The following CDKAL1 variants were observed in gnomAD, a reference collection of about 807,000 sequenced individuals.
CDKAL1 encodes CDKAL1 threonylcarbamoyladenosine tRNA methylthiotransferase, also known as threonylcarbamoyladenosine tRNA methylthiotransferase.
Under a neutral mutation model 68.2 loss-of-function variants are expected in CDKAL1, and 32 were observed. The observed-to-expected ratio is 0.47, with a 90% confidence interval of 0.35 to 0.63. The LOEUF (loss-of-function observed/expected upper bound fraction) is 0.63. CDKAL1 is among the 30% of genes least tolerant of loss of function. The pLI is 0.00. For missense variants in CDKAL1, 606 were observed against 696.7 expected, an observed-to-expected ratio of 0.87 and a Z score of 1.47; for synonymous variants, 234 against 244.3, an observed-to-expected ratio of 0.96 and a Z score of 0.39.
intron 13 of CDKAL1, among the ~76,000 whole-genome samples, chr6:21,134,243 T>G (rs1775469659): frequency 6.6e-6 from 1 of 152,124 alleles, no homozygotes; most frequent in Non-Finnish European, 1.5e-5. Context: ...TCAAATTCGG[T>G]TTTAGAAATT....
At chr6:20,579,493 G>A (rs1765053849) in intron 4 of CDKAL1, among the ~76,000 whole-genome samples, 1 of 152,164 alleles carries the variant, frequency 6.6e-6, no homozygotes, top group Non-Finnish European at 1.5e-5. Flanking sequence ...TGTAATACCT[G>A]TTATGGTGCC....
chr6:20,949,780 G>A (rs948498238), intron 9 of CDKAL1, among the ~76,000 whole-genome samples: 8 of 152,014 alleles, frequency 5.3e-5, no homozygotes, highest in East Asian at 1.9e-4. Context: ...CTCAGTGGTC[G>A]CGAAAGTTTT....
intron 12 of CDKAL1, among the ~76,000 whole-genome samples, chr6:21,107,728 G>A (rs1267475313): frequency 1.3e-5 from 2 of 152,070 alleles, no homozygotes; most frequent in African/African-American, 2.4e-5. Context: ...CACCATGCTC[G>A]GCCAAAAGAG....
intron 8 of CDKAL1, among the ~76,000 whole-genome samples, chr6:20,824,397 G>T (rs949669367): frequency 6.6e-6 from 1 of 152,096 alleles, no homozygotes; most frequent in African/African-American, 2.4e-5. Flanking sequence ...TCCTCTGCCA[G>T]GCTGCAGTCT....
chr6:20,570,191 CCT>C (rs1764641069), intron 4 of CDKAL1, among the ~76,000 whole-genome samples: 1 of 152,032 alleles, frequency 6.6e-6, no homozygotes. Context: ...GCAACCTCTG[CCT>C]CTTGGGTTCA....
intron 10 of CDKAL1, among the ~76,000 whole-genome samples, chr6:20,991,706 C>CAAAAAAA (rs35504365): frequency 3.4e-5 from 2 of 59,622 alleles, no homozygotes; most frequent in African/African-American, 6.6e-5. Context: ...TATTCCCTCT[C>CAAAAAAA]AAAAAAAAAA....
chr6:20,596,626 GACT>G (rs1294742027), intron 4 of CDKAL1, among the ~76,000 whole-genome samples: 5 of 152,204 alleles, frequency 3.3e-5, no homozygotes, highest in African/African-American at 1.2e-4. Flanking sequence ...TGCTGAGCTA[GACT>G]ACTTGGCTCC....
Position 20,943,705 on chromosome 6 carries a change from C to T in CDKAL1, c.743-11714C>T, listed in dbSNP as rs2150702557. 1.3e-5 allele frequency among the ~76,000 whole-genome samples: 2 copies of T among 151,674 alleles called. 1 individual carries two copies. Among genetic ancestry groups the T allele is most frequent in the Middle Eastern group, 6.8e-3 (2 of 294 alleles). ...TTTTTAAACGCATAGACCACATGTA[C>T]AATAGCTGGTTTTATGTCCTCGCCT... On this transcript the variant is annotated intron_variant, in intron 9 of 15. Coordinates refer to ENST00000274695, the MANE Select transcript of CDKAL1 (RefSeq NM_017774.3).
rs1423488484 is a variant in CDKAL1, at chr6:21,142,293, A to G, written c.1299+33830A>G. ...CTAGTGTTCTAGGTAAGGCAATAGT[A>G]CTTAGCCAGAGCTGCCATATGAAAA... On this transcript the variant is annotated intron_variant, in intron 13 of 15. Coordinates refer to ENST00000274695, the MANE Select transcript of CDKAL1 (RefSeq NM_017774.3). Among the ~76,000 whole-genome samples, 38 of 148,278 alleles carry G rather than the reference A, an allele frequency of 2.6e-4. No homozygotes were observed. The Admixed American group carries it at 2.6e-3, about 10-fold the overall frequency.
intron 4 of CDKAL1, among the ~76,000 whole-genome samples, chr6:20,644,777 G>T (rs1328784907): frequency 1.3e-5 from 2 of 152,292 alleles, no homozygotes; most frequent in Admixed American, 1.3e-4. Context: ...TAATTTTTTG[G>T]CATTTTGACA....
intron 9 of CDKAL1, among the ~76,000 whole-genome samples, chr6:20,903,719 G>A (rs1222514468): frequency 3.9e-5 from 6 of 152,168 alleles, no homozygotes; most frequent in East Asian, 1.9e-4. Context: ...TTTGTATCAC[G>A]GAGCAGAGTT....
intron 13 of CDKAL1, among the ~76,000 whole-genome samples, chr6:21,116,148 T>C (rs1441941290): frequency 6.6e-6 from 1 of 152,224 alleles, no homozygotes. Flanking sequence ...GGCATTATTC[T>C]AAAAATTAAG....
At chr6:20,737,770 TAAC>T (rs1378451581) in intron 5 of CDKAL1, among the ~76,000 whole-genome samples, 4 of 152,214 alleles carry the variant, frequency 2.6e-5, no homozygotes, top group Non-Finnish European at 2.9e-5. Flanking sequence ...TTTATTTCGT[TAAC>T]AAGCTTTTTC....
chr6:20,946,783 AC>A (rs1764259169), intron 9 of CDKAL1, among the ~76,000 whole-genome samples: 1 of 151,840 alleles, frequency 6.6e-6, no homozygotes, highest in South Asian at 2.1e-4. Flanking sequence ...TTTAGTAGAG[AC>A]GGGGGTTTCT....
intron 12 of CDKAL1, among the ~76,000 whole-genome samples, chr6:21,089,633 G>A (rs931583696): frequency 6.6e-6 from 1 of 152,186 alleles, no homozygotes; most frequent in Non-Finnish European, 1.5e-5. Flanking sequence ...AAGATACTAG[G>A]AAAGAGGAGT....
chr6:20,758,576 C>T lies in CDKAL1; in HGVS notation c.469-19C>T, dbSNP rs1561752444. On this transcript the variant is annotated intron_variant, in intron 6 of 15. Transcript: ENST00000274695. ...TCTTCGTGTAAATTACTTGTGTAAT[C>T]GTTTTTTTTTTTTTCCAGGTTCAGC... The T allele has an allele frequency of 1.6e-5, 25 of 1,558,208 alleles. No individual in the cohort carries two copies. Among genetic ancestry groups the T allele is most frequent in the East Asian group, 2.3e-5 (1 of 43,696 alleles).
intron 15 of CDKAL1, among the ~76,000 whole-genome samples, chr6:21,224,415 C>G (rs7770637): frequency 0.21 from 31,587 of 152,076 alleles, 4,983 homozygotes; most frequent in African/African-American, 0.44. Context: ...TCGGGAGGCT[C>G]AAACAGGAGA....
intron 5 of CDKAL1, among the ~76,000 whole-genome samples, chr6:20,697,374 G>A (rs1771152348): frequency 6.6e-6 from 1 of 152,114 alleles, no homozygotes; most frequent in African/African-American, 2.4e-5. Flanking sequence ...TCTCCTACTA[G>A]TTAAGATTTT....
At chr6:20,583,784 G>GCCCCCC (rs11448102) in intron 4 of CDKAL1, among the ~76,000 whole-genome samples, 1 of 147,418 alleles carries the variant, frequency 6.8e-6, no homozygotes, top group African/African-American at 2.5e-5. Flanking sequence ...TAGTAAAAGC[G>GCCCCCC]CCCCCCCCCA....
Sources: allele counts gnomAD v4.1 joint callset (sites outside exome capture counted in the v4.1 genomes callset), GRCh38; gene constraint gnomAD v4.1.1; transcripts MANE v1.5; gene names NCBI Gene and HGNC (gene_info 2026-07-23, HGNC 2026-07-21).